Variants in PFKP observed in about 807,000 individuals in gnomAD.
PFKP encodes the protein phosphofructokinase, platelet.
PFKP carries 101 observed loss-of-function variants against 94.3 expected under a neutral mutation model. That is an observed-to-expected ratio of 1.07 (90% CI 0.91 to 1.26). The LOEUF (loss-of-function observed/expected upper bound fraction) is 1.26. Among genes scored for constraint, PFKP ranks in the 50% most tolerant of loss-of-function variants. The pLI, the probability that PFKP is intolerant of heterozygous loss-of-function variation, is 0.00. For synonymous variants in PFKP, 573 were observed against 432.6 expected (o/e 1.32, Z -4.03); for missense variants, 1,145 against 1,103.3 (o/e 1.04, Z -0.53).
chr10:3,071,258 T>C (rs117061561), intron 1 of PFKP, among the ~76,000 whole-genome samples: 5,944 of 152,218 alleles, frequency 0.039, 184 homozygotes, highest in Non-Finnish European at 0.056. Flanking sequence ...CTTTTTCTTC[T>C]CTCAGTAGAG....
intron 9 of PFKP, 90 bp from the exon 10 acceptor site, chr10:3,109,265 G>C: frequency 3.2e-6 from 5 of 1,548,582 alleles, no homozygotes; most frequent in Non-Finnish European, 4.4e-6. Context: ...GCACCTGACT[G>C]AGGTCATTGG....
rs181104915 is a variant in PFKP at position 3,073,123 on chromosome 10, A to G, written c.112+5416A>G. On this transcript the variant is annotated intron_variant, in intron 1 of 21. Coordinates refer to ENST00000381125, the MANE Select transcript of PFKP (RefSeq NM_002627.5). Reference sequence around the variant, plus strand: ...CAGGATGTAAGAGGCAGCCAGACACATGGCAGACCAGAGCACTGAGAGGCA... The same window carrying G: ...CAGGATGTAAGAGGCAGCCAGACACGTGGCAGACCAGAGCACTGAGAGGCA... Among the ~76,000 whole-genome samples the G allele has an allele frequency of 1.0e-3, 156 of 152,056 alleles. 1 individual carries two copies. The highest frequency in any genetic ancestry group is 8.7e-3 in the Admixed American group (133 of 15,278).
chr10:3,083,608 C>T (rs1372437880), intron 2 of PFKP, among the ~76,000 whole-genome samples: 1 of 151,778 alleles, frequency 6.6e-6, no homozygotes, highest in African/African-American at 2.4e-5. Flanking sequence ...CATGACTTTT[C>T]ACTACGTAGG....
intron 13 of PFKP, among the ~76,000 whole-genome samples, chr10:3,115,002 C>T (rs1029431359): frequency 4.6e-5 from 7 of 152,122 alleles, no homozygotes; most frequent in South Asian, 4.1e-4. Context: ...GTGCAGATGG[C>T]GAGAAACCTT....
At chr10:3,130,883 T>G (rs545894398) in intron 17 of PFKP, among the ~76,000 whole-genome samples, 7 of 88,330 alleles carry the variant, frequency 7.9e-5, no homozygotes, top group Non-Finnish European at 1.5e-4. Flanking sequence ...AGTTAGGATG[T>G]TACTTGTTTC....
chr10:3,115,471 A>G (rs12772744), intron 13 of PFKP, among the ~76,000 whole-genome samples: 6,258 of 10,590 alleles, frequency 0.59, 1,465 homozygotes, highest in Admixed American at 0.62. Flanking sequence ...GTGTCCCGCC[A>G]TGGAGGACAG....
chr10:3,101,627 C>G, intron 4 of PFKP, 73 bp downstream of exon 4: 1 of 1,093,774 alleles, frequency 9.1e-7, no homozygotes, highest in Non-Finnish European at 1.3e-6. Flanking sequence ...ACAGGTTTCC[C>G]TCTTCACTGT....
chr10:3,090,883 C>T (rs996266782), intron 2 of PFKP, among the ~76,000 whole-genome samples: 4 of 151,970 alleles, frequency 2.6e-5, no homozygotes, highest in African/African-American at 9.7e-5. Flanking sequence ...TTTTTTTCAC[C>T]TATACTCTAG....
intron 3 of PFKP, 43 bp downstream of exon 3, chr10:3,099,395 C>T (rs1834769381): frequency 2.8e-6 from 4 of 1,440,218 alleles, no homozygotes; most frequent in African/African-American, 1.4e-5. Context: ...GAGTTAGAGA[C>T]TCTTTTATGT....
At chr10:3,069,888 G>A (rs1260939315) in intron 1 of PFKP, among the ~76,000 whole-genome samples, 1 of 152,204 alleles carries the variant, frequency 6.6e-6, no homozygotes, top group African/African-American at 2.4e-5. Flanking sequence ...TGTTACCCTG[G>A]TTTTGCCACC....
intron 5 of PFKP, chr10:3,104,884 A>T: frequency 1.6e-6 from 1 of 607,740 alleles, no homozygotes; most frequent in Non-Finnish European, 2.9e-6. Context: ...GAGAGCGCAG[A>T]GGTGGCTCAA....
At chr10:3,095,411 C>A (rs963138792) in intron 2 of PFKP, among the ~76,000 whole-genome samples, 1 of 152,196 alleles carries the variant, frequency 6.6e-6, no homozygotes, top group Non-Finnish European at 1.5e-5. Context: ...GAAATGACTT[C>A]AGAGCCTGTG....
intron 1 of PFKP, chr10:3,069,213 GGAAGTGCTCTGGCGTTA>G: frequency 7.6e-7 from 1 of 1,314,804 alleles, no homozygotes; most frequent in Non-Finnish European, 9.8e-7. Flanking sequence ...AGCGCCCCCG[GGAAGTGCTCTGGCGTTA>G]GCATTCCAGT....
chr10:3,111,070 GGTA>G (rs1481373845), intron 10 of PFKP, among the ~76,000 whole-genome samples: 3 of 152,020 alleles, frequency 2.0e-5, no homozygotes, highest in Admixed American at 6.5e-5. Flanking sequence ...ATGTGTGTGA[GGTA>G]ATGCATCTGC....
Position 3,077,301 on chromosome 10 carries a change from C to CT in PFKP, c.113-5087_113-5086insT, listed in dbSNP as rs1456256737. Among the ~76,000 whole-genome samples, 3 of 118,252 alleles carry CT rather than the reference C, an allele frequency of 2.5e-5. No homozygotes were observed. In the East Asian group the frequency reaches 7.8e-4, roughly 31 times the overall value. 77.6% of individuals were successfully genotyped at this position (118,252 alleles called of 152,430 possible). On this transcript the variant is annotated intron_variant, in intron 1 of 21. Coordinates refer to ENST00000381125, the MANE Select transcript of PFKP (RefSeq NM_002627.5). ...TTTTTGAGATGGAATCTCACTCTGT[C>CT]ACCAGGCTGGAGTGTAGTGGCGCAA... is the stretch of plus-strand genomic sequence containing the variant.
At chr10:3,069,803 AG>A (rs1564252725) in intron 1 of PFKP, among the ~76,000 whole-genome samples, 1 of 152,244 alleles carries the variant, frequency 6.6e-6, no homozygotes, top group Non-Finnish European at 1.5e-5. Flanking sequence ...CATGTCCAAA[AG>A]CTTGCTAAAA....
intron 1 of PFKP, among the ~76,000 whole-genome samples, chr10:3,073,800 A>C (rs1832370712): frequency 6.6e-6 from 1 of 152,016 alleles, no homozygotes; most frequent in Non-Finnish European, 1.5e-5. Context: ...ACTACGATTA[A>C]GATTTTATTT....
At chr10:3,117,457 A>G (rs967184266) in intron 14 of PFKP, among the ~76,000 whole-genome samples, 1 of 152,204 alleles carries the variant, frequency 6.6e-6, no homozygotes, top group East Asian at 1.9e-4. Flanking sequence ...ACACATTACA[A>G]TTTCACATGG....
Position 3,120,056 on chromosome 10 carries a change from T to G in PFKP, c.1683+12T>G. 2 of 1,613,488 alleles carry G rather than the reference T, an allele frequency of 1.2e-6. No homozygotes were observed. The highest frequency in any genetic ancestry group is 1.7e-6 in the Non-Finnish European group (2 of 1,179,812). ...ACACTATCACCGACGTAAGTCCGTG[T>G]GCGCCCTGCCAGGCGGGCGCCGGCT... On this transcript the variant is annotated intron_variant, in intron 16 of 21. Coordinates refer to ENST00000381125, the MANE Select transcript of PFKP (RefSeq NM_002627.5).
Sources: allele counts gnomAD v4.1 joint callset (sites outside exome capture counted in the v4.1 genomes callset), GRCh38; gene constraint gnomAD v4.1.1; transcripts MANE v1.5; gene names NCBI Gene and HGNC (gene_info 2026-07-23, HGNC 2026-07-21).